Variants in NBEAL2 observed in about 807,000 individuals in gnomAD.
NBEAL2 encodes neurobeachin-like protein 2.
Under a neutral mutation model 299.8 loss-of-function variants are expected in NBEAL2, and 160 were observed. The observed-to-expected ratio is 0.53, with a 90% CI of 0.47 to 0.61. The LOEUF (loss-of-function observed/expected upper bound fraction) is 0.61. Among genes scored for constraint, NBEAL2 ranks in the 20% least tolerant of loss-of-function variants. NBEAL2 has a pLI of 0.00. For synonymous variants in NBEAL2, 1,493 were observed against 1,542.3 expected, an observed-to-expected ratio of 0.97 and a Z score of 0.75; for missense variants, 3,112 against 3,649.0, an observed-to-expected ratio of 0.85 and a Z score of 3.79.
Position 47,007,597 on chromosome 3 carries a change from G to A in NBEAL2, c.7407G>A (p.Pro2469=), listed in dbSNP as rs568006584. 3.9e-5 allele frequency: 63 copies of A among 1,612,052 alleles called. No homozygotes were observed. Among genetic ancestry groups the A allele is most frequent in the South Asian group, 8.8e-5 (8 of 90,806 alleles). ...GVSGQALAVA[P]DGKLLFSGGH... ...GTGGACAAGCACTGGCAGTGGCCCC[G>A]GATGGAAAGCTGCTATTCAGCGGTG... Residue 2469 remains proline, a synonymous_variant, in exon 48 of 54, where the codon CCG becomes CCA. Transcript: ENST00000450053.
In NBEAL2 at chr3:46,995,811, A is replaced by G; in HGVS notation, c.1996A>G (p.Ser666Gly). 1 of 1,613,754 alleles carries G rather than the reference A, an allele frequency of 6.2e-7. No individual in the cohort carries two copies. Among genetic ancestry groups the G allele is most frequent in the Non-Finnish European group, 8.5e-7 (1 of 1,179,860 alleles). ...CACACGGAAGGAGTATTTGACCATG[A>G]GTTTGCCCGAAGTGTCCTTTGCCGA... ...VCTRKEYLTM[S>G]LPEVSFADSA... Residue 666 changes from serine (S) to glycine (G), a missense_variant, in exon 14 of 54, where the codon AGT (serine) becomes GGT (glycine). This residue lies in a region of NBEAL2 where 2,243 missense variants were observed against 2,538.1 expected (regional missense o/e 0.88). Coordinates refer to ENST00000450053, the MANE Select transcript of NBEAL2 (RefSeq NM_015175.3).
Position 47,002,752 on chromosome 3 carries a change from G to C in NBEAL2, c.5409G>C (p.Trp1803Cys). The C allele has an allele frequency of 6.3e-7, 1 of 1,578,618 alleles. No individual in the cohort carries two copies. Among genetic ancestry groups the C allele is most frequent in the Non-Finnish European group, 8.6e-7 (1 of 1,166,872 alleles). Residue 1803 changes from tryptophan (W) to cysteine (C), a missense_variant, in exon 33 of 54, where the codon TGG (tryptophan) becomes TGC (cysteine). Physicochemically the swap from Trp to Cys is radical, Grantham distance 215 (BLOSUM62 -2). Coordinates refer to ENST00000450053, the MANE Select transcript of NBEAL2 (RefSeq NM_015175.3). The part of the protein sequence containing the change: ...ATQHSMALLH[W>C]GALWRQLASP... ...AGCACTCCATGGCCCTGCTGCACTG[G>C]GGGGCGCTGTGGCGCCAGCTCGCCA...
At chr3:46,993,598 G>A (rs1164651926) in intron 10 of NBEAL2, among the ~76,000 whole-genome samples, 1 of 152,216 alleles carries the variant, frequency 6.6e-6, no homozygotes, top group African/African-American at 2.4e-5. Flanking sequence ...CATGTGTCTA[G>A]CTTTAGGGAG....
chr3:46,990,809 C>T (rs1332914141), intron 6 of NBEAL2, among the ~76,000 whole-genome samples: 1 of 152,134 alleles, frequency 6.6e-6, no homozygotes, highest in East Asian at 1.9e-4. Context: ...AGCAGAGTCC[C>T]CAGAGCACGG....
Position 46,989,470 on chromosome 3 carries a change from G to T in NBEAL2, c.474-41G>T, listed in dbSNP as rs904534341. ...CCAAGGAGGGGTGACGGCCAGGAGTGGTGAGAGCCGGGCTGATGTACTTGG... is the reference window on the plus strand; with the variant it reads ...CCAAGGAGGGGTGACGGCCAGGAGTTGTGAGAGCCGGGCTGATGTACTTGG... On this transcript the variant is annotated intron_variant, in intron 5 of 53. Coordinates refer to ENST00000450053, the MANE Select transcript of NBEAL2 (RefSeq NM_015175.3). The surrounding 1 kb of genome is among the most constrained non-coding windows in gnomAD (Gnocchi z 5.5). 2.5e-6 allele frequency: 4 copies of T among 1,568,812 alleles called. No individual in the cohort carries two copies. The Admixed American group carries it at 7.5e-5, about 30-fold the overall frequency.
Position 46,996,287 on chromosome 3 carries a change from G to A in NBEAL2, c.2168G>A (p.Cys723Tyr), listed in dbSNP as rs2036491833. Residue 723 changes from cysteine (C) to tyrosine (Y), a missense_variant, in exon 16 of 54, where the codon TGT (cysteine) becomes TAT (tyrosine). Around this residue, in one of 3 missense-constraint regions of NBEAL2, gnomAD observed 2,243 missense variants for 2,538.1 expected, o/e 0.88. Coordinates refer to ENST00000450053, the MANE Select transcript of NBEAL2 (RefSeq NM_015175.3). The stretch of plus-strand genomic sequence containing the variant: ...GCCCCACAGCCTTTCTCCTCCTGCT[G>A]TATCGGCTCCGCTGGATACCGCACA... ...PSLSEPFSSC[C>Y]IGSAGYRTTT... is the part of the protein sequence containing the mutation. 3 of 1,607,798 alleles carry A rather than the reference G, an allele frequency of 1.9e-6. No homozygotes were observed. Among genetic ancestry groups the A allele is most frequent in the African/African-American group, 1.3e-5 (1 of 74,896 alleles).
Position 47,007,155 on chromosome 3 carries a change from G to A in NBEAL2, c.7224G>A (p.Leu2408=), listed in dbSNP as rs1364696784. Residue 2408 remains leucine, a splice_region_variant and synonymous_variant, in exon 46 of 54, where the codon TTG becomes TTA. Coordinates refer to ENST00000450053, the MANE Select transcript of NBEAL2 (RefSeq NM_015175.3). ...SFITQGSPDL[L]VTVSASGLLG... ...TCACCCAGGGTTCCCCAGACCTGTT[G>A]GTAAGTGCATTGTGCAGAGCCCCAG... 1 of 1,613,434 alleles carries A rather than the reference G, an allele frequency of 6.2e-7. No homozygotes were observed. Among genetic ancestry groups the A allele is most frequent in the Non-Finnish European group, 8.5e-7 (1 of 1,179,724 alleles).
In NBEAL2 at chr3:47,002,202, C is replaced by A; in HGVS notation, c.5065C>A (p.Pro1689Thr). 1 of 1,529,222 alleles carries A rather than the reference C, an allele frequency of 6.5e-7. No homozygotes were observed. Among genetic ancestry groups the A allele is most frequent in the Non-Finnish European group, 8.8e-7 (1 of 1,134,706 alleles). 94.7% of individuals were successfully genotyped at this position (1,529,222 alleles called of 1,614,324 possible). A position where few individuals can be genotyped will look rare whatever the true frequency, so the allele number is the denominator to read the frequency against. The change falls in exon 31 of 54, where the codon CCA becomes ACA. Residue 1689 changes from proline (P) to threonine (T), a missense_variant. By Grantham distance (38) the Pro-to-Thr change is conservative (BLOSUM62 -1). Transcript: ENST00000450053. ...GCTGCAGTGGGGACTGCCCTCCCTGCCACCCACCAATGGCAGCCCCACCTT... is the reference window on the plus strand; with the variant it reads ...GCTGCAGTGGGGACTGCCCTCCCTGACACCCACCAATGGCAGCCCCACCTT... The part of the protein sequence containing the change: ...LGLQWGLPSL[P>T]PTNGSPTFFE...
In NBEAL2 at chr3:47,008,125, G is replaced by T; in HGVS notation, c.7658G>T (p.Gly2553Val). The T allele has an allele frequency of 1.9e-6, 3 of 1,613,996 alleles. No individual in the cohort carries two copies. The highest frequency in any genetic ancestry group is 2.2e-5 in the South Asian group (2 of 91,084). ...CCTGTGCAGGTCCTGTATGGGCATGGGGCTGCAGTGAGCTGTGTGGCCATC... is the reference window on the plus strand; with the variant it reads ...CCTGTGCAGGTCCTGTATGGGCATGTGGCTGCAGTGAGCTGTGTGGCCATC... Reference protein sequence around the residue: ...PKPVQVLYGHGAAVSCVAIST... With the variant: ...PKPVQVLYGHVAAVSCVAIST... The change falls in exon 50 of 54, where the codon GGG becomes GTG. Residue 2553 changes from glycine (G) to valine (V), a missense_variant. By Grantham distance (109) the Gly-to-Val change is moderately radical. Transcript: ENST00000450053.
In NBEAL2 at chr3:46,996,552, A is replaced by C. The variant is rs1264373268; in HGVS notation, c.2433A>C (p.Glu811Asp). The C allele has an allele frequency of 6.5e-7, 1 of 1,542,550 alleles. No individual in the cohort carries two copies. The highest frequency in any genetic ancestry group is 1.2e-5 in the South Asian group (1 of 80,840). ...GELGAVAIFH[E>D]ALQATALRTL... is the part of the protein sequence containing the mutation. ...TGGGGGCTGTGGCCATCTTTCACGA[A>C]GCCCTGCAGGCGACGGCTCTGAGGA... The change falls in exon 16 of 54, where the codon GAA (glutamate) becomes GAC (aspartate). Residue 811 changes from glutamate (E) to aspartate (D), a missense_variant. Around this residue, in one of 3 missense-constraint regions of NBEAL2, gnomAD observed 2,243 missense variants for 2,538.1 expected, o/e 0.88. Coordinates refer to ENST00000450053, the MANE Select transcript of NBEAL2 (RefSeq NM_015175.3).
Position 46,996,346 on chromosome 3 carries a change from G to C in NBEAL2, c.2227G>C (p.Val743Leu). Residue 743 changes from valine to leucine, a missense_variant, in exon 16 of 54, where the codon GTC becomes CTC. Physicochemically the swap from Val to Leu is conservative, Grantham distance 32. This residue lies in a region of NBEAL2 where 2,243 missense variants were observed against 2,538.1 expected (regional missense o/e 0.88). Coordinates refer to ENST00000450053, the MANE Select transcript of NBEAL2 (RefSeq NM_015175.3). ...TTTTGLPTPP[V>L]PATLAYTHPA... Reference sequence around the variant, plus strand: ...CACCACAGGGCTGCCCACACCACCAGTCCCCGCCACCCTGGCCTACACTCA... The same window carrying C: ...CACCACAGGGCTGCCCACACCACCACTCCCCGCCACCCTGGCCTACACTCA... 1.2e-6 allele frequency: 2 copies of C among 1,612,194 alleles called. No individual in the cohort carries two copies. The highest frequency in any genetic ancestry group is 1.7e-6 in the Non-Finnish European group (2 of 1,179,828).
chr3:47,005,435 C>T (rs947056295), intron 40 of NBEAL2, 54 bp from the exon 41 acceptor site: 1 of 1,591,972 alleles, frequency 6.3e-7, no homozygotes, highest in Non-Finnish European at 8.6e-7. Context: ...CACAGCATCT[C>T]CCTCCCTGTC....
chr3:47,000,482 C>T lies in NBEAL2; in HGVS notation c.4305+78C>T. ...TGGTACACAGGGCTGGCAGTGTAGC[C>T]TCTCCAAAGGTGTGGCCCTGTCTGA... On this transcript the variant is annotated intron_variant, in intron 27 of 53. Coordinates refer to ENST00000450053, the MANE Select transcript of NBEAL2 (RefSeq NM_015175.3). This position sits in a 1 kb window ranked among gnomAD's most constrained non-coding sequence, Gnocchi z 4.5. 1.3e-6 allele frequency: 2 copies of T among 1,508,890 alleles called. No homozygotes were observed. Among genetic ancestry groups the T allele is most frequent in the Non-Finnish European group, 1.8e-6 (2 of 1,124,140 alleles). The allele number at this position is 1,508,890 out of a possible 1,614,324, so 93.5% of individuals were successfully genotyped here. A position where few individuals can be genotyped will look rare whatever the true frequency, so the allele number is the denominator to read the frequency against.
rs763433026 is a variant in NBEAL2, at chr3:47,008,696, C to T, written c.8027+28C>T. 7 of 1,611,854 alleles carry T rather than the reference C, an allele frequency of 4.3e-6. No homozygotes were observed. In the Admixed American group the frequency reaches 8.4e-5, roughly 19 times the overall value. On this transcript the variant is annotated intron_variant, in intron 52 of 53. Coordinates refer to ENST00000450053, the MANE Select transcript of NBEAL2 (RefSeq NM_015175.3). Reference sequence around the variant, plus strand: ...AAGCCCCCCATTTATGGGTTCATGGCCCCTGAAGGTGGTGGTCATTGGTGT... The same window carrying T: ...AAGCCCCCCATTTATGGGTTCATGGTCCCTGAAGGTGGTGGTCATTGGTGT...
rs2037664744 is a variant in NBEAL2, at chr3:47,008,907, G to A, written c.8028-82G>A. 2.6e-6 allele frequency: 4 copies of A among 1,558,988 alleles called. No homozygotes were observed. The East Asian group carries it at 9.0e-5, about 35-fold the overall frequency. On this transcript the variant is annotated intron_variant, in intron 52 of 53. Coordinates refer to ENST00000450053, the MANE Select transcript of NBEAL2 (RefSeq NM_015175.3). ...ACCATCCTTAAAATGAGGACAGAGA[G>A]GGTATATGGGATAAGGGATATCTGC...
rs1244186289 is a variant in NBEAL2, at chr3:47,009,129, G to A, written c.8163+5G>A. The A allele has an allele frequency of 6.4e-6, 10 of 1,562,792 alleles. No homozygotes were observed. In the African/African-American group the frequency reaches 1.2e-4, roughly 19 times the overall value. ...GTCGCGGGGCAGCCCTCTGAGGTGA[G>A]GATGGGGCGGGGGTGGGGAGGCCCC... On this transcript the variant is annotated splice_donor_5th_base_variant and intron_variant, in intron 53 of 53. Coordinates refer to ENST00000450053, the MANE Select transcript of NBEAL2 (RefSeq NM_015175.3).
chr3:46,989,840 G>A lies in NBEAL2; in HGVS notation c.556+247G>A, dbSNP rs549769019. Reference sequence around the variant, plus strand: ...CCCAGATTTCTCATCCTCTTTCCCCGCCATCTCCTGGATCCTTCTAGCCAC... The same window carrying A: ...CCCAGATTTCTCATCCTCTTTCCCCACCATCTCCTGGATCCTTCTAGCCAC... On this transcript the variant is annotated intron_variant, in intron 6 of 53. Transcript: ENST00000450053. This position sits in a 1 kb window ranked among gnomAD's most constrained non-coding sequence, Gnocchi z 5.5. Among the ~76,000 whole-genome samples, 7 of 152,156 alleles carry A rather than the reference G, an allele frequency of 4.6e-5. No homozygotes were observed. Among genetic ancestry groups the A allele is most frequent in the South Asian group, 2.1e-4 (1 of 4,820 alleles).
At position 46,989,042 on chromosome 3, in the gene NBEAL2, C is replaced by T. The variant is rs2035880480; in HGVS notation, c.270-43C>T. ...CAGAGGGAGAGGGGACAAGGAGGGG[C>T]ATGGTGTATTATTGTGACCTCTCTC... On this transcript the variant is annotated intron_variant, in intron 3 of 53. Transcript: ENST00000450053. This position sits in a 1 kb window ranked among gnomAD's most constrained non-coding sequence, Gnocchi z 5.5. The T allele has an allele frequency of 6.2e-7, 1 of 1,611,690 alleles. No individual in the cohort carries two copies. Among genetic ancestry groups the T allele is most frequent in the East Asian group, 2.2e-5 (1 of 44,796 alleles).
Position 46,998,415 on chromosome 3 carries a change from G to T in NBEAL2, c.3119-48G>T, listed in dbSNP as rs781717716. ...TGGCCCTGGCCTGGAGGATCTGAAG[G>T]GCCCAGCTCAGCCTAGTGGCCTGAG... is the stretch of plus-strand genomic sequence containing the variant. On this transcript the variant is annotated intron_variant, in intron 21 of 53. Transcript: ENST00000450053. The T allele has an allele frequency of 5.1e-6, 8 of 1,570,900 alleles. No individual in the cohort carries two copies. The Admixed American group carries it at 1.3e-4, about 25-fold the overall frequency.
Sources: gnomAD v4.1 joint callset for allele counts (sites outside exome capture counted in the v4.1 genomes callset) on GRCh38, gnomAD v4.1.1 for gene constraint, gnomAD v4.1.1 regional missense constraint, Gnocchi (gnomAD v3.1) non-coding constraint, MANE v1.5 for transcripts, NCBI Gene and HGNC (gene_info 2026-07-23, HGNC 2026-07-21) for gene names.